The following PVT1 variants were observed in gnomAD, a reference collection of about 807,000 sequenced individuals.
PVT1 encodes Pvt1 oncogene.
chr8:127,796,877 C>CTTTTTTTTTTTTTTTTTT (rs34435526), intron 2 of PVT1, among the ~76,000 whole-genome samples: 1 of 121,122 alleles, frequency 8.3e-6, no homozygotes, highest in Non-Finnish European at 1.7e-5. Flanking sequence ...TCTTGTTTTG[C>CTTTTTTTTTTTTTTTTTT]TTTTTTTTTT....
At chr8:128,064,505 A>G (rs760255618) in intron 4 of PVT1, among the ~76,000 whole-genome samples, 1 of 152,138 alleles carries the variant, frequency 6.6e-6, no homozygotes, top group Non-Finnish European at 1.5e-5. Context: ...CTCAGTTTGC[A>G]AATGATCATC....
At chr8:128,013,035 A>G (rs946759720) in intron 4 of PVT1, among the ~76,000 whole-genome samples, 1 of 152,122 alleles carries the variant, frequency 6.6e-6, no homozygotes, top group Non-Finnish European at 1.5e-5. Context: ...CTCTGTGCCG[A>G]TTGCTTTTGG....
intron 2 of PVT1, among the ~76,000 whole-genome samples, chr8:127,826,014 C>CTTTTTTT (rs57575268): frequency 8.5e-4 from 76 of 89,660 alleles, no homozygotes; most frequent in African/African-American, 1.4e-3. Flanking sequence ...CCATGCCCAG[C>CTTTTTTT]TTTTTTTTTT....
chr8:128,041,436 CAT>C (rs1813538766), intron 4 of PVT1, among the ~76,000 whole-genome samples: 1 of 145,648 alleles, frequency 6.9e-6, no homozygotes, highest in South Asian at 2.2e-4. Context: ...TGTTTGTGTG[CAT>C]GTGTATGTGT....
At chr8:127,807,361 C>T (rs1353000537) in intron 2 of PVT1, among the ~76,000 whole-genome samples, 1 of 152,144 alleles carries the variant, frequency 6.6e-6, no homozygotes, top group African/African-American at 2.4e-5. Flanking sequence ...GGGACAGAAT[C>T]TCACTCTGTC....
At chr8:128,063,748 A>G (rs1586504088) in intron 4 of PVT1, among the ~76,000 whole-genome samples, 1 of 152,138 alleles carries the variant, frequency 6.6e-6, no homozygotes. Context: ...AGGATATACA[A>G]TTTCAGTTAG....
At chr8:127,813,118 T>C (rs943634706) in intron 2 of PVT1, among the ~76,000 whole-genome samples, 3 of 149,216 alleles carry the variant, frequency 2.0e-5, no homozygotes, top group African/African-American at 7.4e-5. Context: ...TATTAATTCA[T>C]GTGAATCAAT....
intron 2 of PVT1, among the ~76,000 whole-genome samples, chr8:127,829,119 T>C (rs1024003267): frequency 2.6e-5 from 4 of 151,952 alleles, no homozygotes; most frequent in Admixed American, 6.6e-5. Context: ...CTACTAAAAA[T>C]ACAAAAAATT....
intron 2 of PVT1, among the ~76,000 whole-genome samples, chr8:127,878,889 G>A (rs149022500): frequency 5.9e-4 from 90 of 152,300 alleles, no homozygotes; most frequent in African/African-American, 2.0e-3. Context: ...TTCTGGGGAC[G>A]CCTGCCTCCC....
intron 4 of PVT1, among the ~76,000 whole-genome samples, chr8:128,021,144 G>A (rs1184749948): frequency 6.6e-5 from 10 of 151,994 alleles, no homozygotes; most frequent in African/African-American, 2.4e-5. Context: ...CTGGAGTGCG[G>A]CTTTGCTTCC....
At chr8:127,892,166 C>G (rs963807977) in intron 3 of PVT1, among the ~76,000 whole-genome samples, 1 of 152,220 alleles carries the variant, frequency 6.6e-6, no homozygotes, top group Admixed American at 6.5e-5. Context: ...CTTTCTCAGA[C>G]AGGCTTCCCT....
At chr8:127,981,960 G>A (rs1366459779) in intron 3 of PVT1, among the ~76,000 whole-genome samples, 2 of 152,200 alleles carry the variant, frequency 1.3e-5, no homozygotes, top group East Asian at 1.9e-4. Context: ...TCCTGGGACA[G>A]TGGTGGTCCT....
chr8:127,868,896 C>G (rs372428461), intron 2 of PVT1, among the ~76,000 whole-genome samples: 1 of 149,932 alleles, frequency 6.7e-6, no homozygotes, highest in East Asian at 1.9e-4. Flanking sequence ...AACAAACCCA[C>G]AGGCACTGCT....
chr8:127,812,682 T>G (rs1386819750), intron 2 of PVT1, among the ~76,000 whole-genome samples: 13 of 129,482 alleles, frequency 1.0e-4, no homozygotes, highest in South Asian at 2.6e-4. Context: ...GGGAGGAAGG[T>G]AGGAAAATGG....
rs183095519 is a variant in PVT1 at position 128,042,815 on chromosome 8, G to A, written n.913-27345G>A. Among the ~76,000 whole-genome samples, 39 of 151,272 alleles carry A rather than the reference G, an allele frequency of 2.6e-4. No homozygotes were observed. The East Asian group carries it at 6.8e-3, about 26-fold the overall frequency. ...ATCTTGCTCTGTCACCCAGGCTGGAGTGCAGTGGCACAATCTTGGCTCACT... is the reference window on the plus strand; with the variant it reads ...ATCTTGCTCTGTCACCCAGGCTGGAATGCAGTGGCACAATCTTGGCTCACT... On this transcript the variant is annotated intron_variant and non_coding_transcript_variant, in intron 4 of 10. Transcript: ENST00000651587.
intron 3 of PVT1, among the ~76,000 whole-genome samples, chr8:127,982,651 A>AAT (rs1563656650): frequency 4.9e-4 from 72 of 146,066 alleles, no homozygotes; most frequent in Non-Finnish European, 8.7e-4. Context: ...CTCTACAAAA[A>AAT]TAATTAATTA....
At chr8:127,809,128 C>A (rs906739622) in intron 2 of PVT1, among the ~76,000 whole-genome samples, 3 of 151,554 alleles carry the variant, frequency 2.0e-5, no homozygotes, top group African/African-American at 7.3e-5. Context: ...TAGCTAGAGA[C>A]CTTCCAAACT....
rs1814362639 is a variant in PVT1 at position 128,092,057 on chromosome 8, G to A, written n.1115-4461G>A. Among the ~76,000 whole-genome samples, 3 of 151,718 alleles carry A rather than the reference G, an allele frequency of 2.0e-5. No homozygotes were observed. In the South Asian group the frequency reaches 6.3e-4, roughly 32 times the overall value. On this transcript the variant is annotated intron_variant and non_coding_transcript_variant, in intron 5 of 10. Coordinates refer to ENST00000651587, the Ensembl canonical transcript of PVT1. ...CCCCTGGGCCGTGTGCAAGCTTTGG[G>A]CCTGGTGGTGACACCTACCTCTCCA...
At chr8:128,029,100 C>G (rs936942937) in intron 4 of PVT1, among the ~76,000 whole-genome samples, 19 of 151,974 alleles carry the variant, frequency 1.3e-4, no homozygotes, top group African/African-American at 4.6e-4. Context: ...ACCTTAGCCT[C>G]CCAAGCAGCT....
Sources: allele counts gnomAD v4.1 joint callset (sites outside exome capture counted in the v4.1 genomes callset), GRCh38; gene constraint gnomAD v4.1.1; transcripts MANE v1.5; gene names NCBI Gene and HGNC (gene_info 2026-07-23, HGNC 2026-07-21).